ABCB4: variants seen among roughly 807,000 people sequenced by gnomAD.
The protein encoded by ABCB4 is ATP binding cassette subfamily B member 4, also known as phosphatidylcholine translocator ABCB4.
In ABCB4, 76 loss-of-function variants were observed where a neutral mutation model predicts 145.7. The observed-to-expected ratio is 0.52, with a 90% CI of 0.43 to 0.63. ABCB4 has a LOEUF of 0.63. ABCB4 is among the 30% of genes least tolerant of loss of function. ABCB4 has a pLI of 0.00. For missense variants in ABCB4, 1,234 were observed against 1,553.1 expected (o/e 0.79, Z 3.45); for synonymous variants, 517 against 566.8 (o/e 0.91, Z 1.25).
In ABCB4 at chr7:87,472,515, C is replaced by T. The variant is rs111928684; in HGVS notation, c.135+106G>A. 5.3e-5 allele frequency: 54 copies of T among 1,027,506 alleles called. No individual in the cohort carries two copies. In the African/African-American group the frequency reaches 6.5e-4, roughly 12 times the overall value. 63.6% of individuals were successfully genotyped at this position (1,027,506 alleles called of 1,614,324 possible). A position where few individuals can be genotyped will look rare whatever the true frequency, so the allele number is the denominator to read the frequency against. On this transcript the variant is annotated intron_variant, in intron 3 of 27. Transcript: ENST00000649586. ...CTGGGATTACAAGTATGAGTCAGCT[C>T]GCCTAGCTAGACAATCTTAAAGTAT...
intron 19 of ABCB4, among the ~76,000 whole-genome samples, chr7:87,419,310 A>T (rs1439328658): frequency 6.6e-6 from 1 of 152,208 alleles, no homozygotes. Flanking sequence ...AAATGTAATC[A>T]GTTCCTGTCA....
chr7:87,473,524 A>G (rs1023599841), intron 2 of ABCB4, among the ~76,000 whole-genome samples: 1 of 152,066 alleles, frequency 6.6e-6, no homozygotes, highest in Non-Finnish European at 1.5e-5. Context: ...TTGCTCAAAT[A>G]TTACCTTTAA....
At chr7:87,422,488 T>C (rs935383663) in intron 17 of ABCB4, among the ~76,000 whole-genome samples, 4 of 152,138 alleles carry the variant, frequency 2.6e-5, no homozygotes, top group African/African-American at 9.7e-5. Context: ...CTTCCCAAAC[T>C]TCCCAAACTT....
At chr7:87,443,531 A>T in intron 11 of ABCB4, 87 bp from the exon 12 acceptor site, 1 of 1,583,460 alleles carries the variant, frequency 6.3e-7, no homozygotes, top group Non-Finnish European at 8.6e-7. Context: ...TTTGAAAAAA[A>T]AGTATCAAAT....
rs1562968700 is a variant in ABCB4, at chr7:87,431,433, C to A, written c.1864G>T (p.Gly622Trp). 6.2e-7 allele frequency: 1 copy of A among 1,614,116 alleles called. No homozygotes were observed. The highest frequency in any genetic ancestry group is 8.5e-7 in the Non-Finnish European group (1 of 1,179,974). The change falls in exon 15 of 28, where the codon GGG (glycine) becomes TGG (tryptophan). Residue 622 changes from glycine to tryptophan, a missense_variant. Physicochemically the swap from Gly to Trp is radical, Grantham distance 184. This residue lies in a region of ABCB4 where 321 missense variants were observed against 332.6 expected (regional missense o/e 0.97). Coordinates refer to ENST00000649586, the MANE Select transcript of ABCB4 (RefSeq NM_000443.4). Reference sequence around the variant, plus strand: ...ATGTTGACAAGTTTGAAGTACACCCCTTCCTTCTTCATCAGTTCGCTGTGG... The same window carrying A: ...ATGTTGACAAGTTTGAAGTACACCCATTCCTTCTTCATCAGTTCGCTGTGG... The part of the protein sequence containing the change: ...GSHSELMKKE[G>W]VYFKLVNMQT...
chr7:87,377,304 C>T, the ABCB4 span: 2 of 1,204,652 alleles, frequency 1.7e-6, no homozygotes, highest in African/African-American at 3.1e-5. Context: ...TTCTTACAAA[C>T]CAATATTAAA....
intron 4 of ABCB4, among the ~76,000 whole-genome samples, chr7:87,456,412 C>T (rs1452948208): frequency 6.6e-6 from 1 of 152,066 alleles, no homozygotes; most frequent in Admixed American, 6.6e-5. Flanking sequence ...GGTGCCCTCC[C>T]TGAGATAATG....
At chr7:87,388,905 A>G in the ABCB4 span, among the ~76,000 whole-genome samples, 1 of 152,238 alleles carries the variant, frequency 6.6e-6, no homozygotes, top group African/African-American at 2.4e-5. Flanking sequence ...TCCAGAATCT[A>G]CAAGGAACTT....
chr7:87,385,787 A>G, the ABCB4 span, among the ~76,000 whole-genome samples: 1 of 152,280 alleles, frequency 6.6e-6, no homozygotes, highest in South Asian at 2.1e-4. Context: ...CAATTTTTCC[A>G]TGTTCAGTAT....
At chr7:87,382,650 C>G in the ABCB4 span, 2 of 1,122,924 alleles carry the variant, frequency 1.8e-6, no homozygotes, top group Non-Finnish European at 2.5e-6. Context: ...ACTTTTTTCC[C>G]AGCTGGTACT....
the ABCB4 span, chr7:87,369,630 A>AT: frequency 2.8e-6 from 1 of 355,412 alleles, no homozygotes; most frequent in Non-Finnish European, 5.0e-6. Context: ...ATCTATTTGT[A>AT]TTTTTTATTT....
intron 2 of ABCB4, among the ~76,000 whole-genome samples, chr7:87,472,892 C>G (rs112566063): frequency 2.0e-5 from 3 of 152,258 alleles, no homozygotes; most frequent in African/African-American, 7.2e-5. Context: ...AAGAAATGGT[C>G]GCCTGCCTTA....
the ABCB4 span, among the ~76,000 whole-genome samples, chr7:87,372,763 G>C: frequency 1.3e-5 from 2 of 152,030 alleles, no homozygotes; most frequent in African/African-American, 4.8e-5. Context: ...AGGTTCATCC[G>C]TGTTTTAGCA....
intron 26 of ABCB4, 167 bp from the exon 27 acceptor site, chr7:87,403,448 TCTCAATG>T (rs749805283): frequency 1.6e-6 from 1 of 640,182 alleles, no homozygotes; most frequent in Non-Finnish European, 2.7e-6. Flanking sequence ...TGACTTTAAT[TCTCAATG>T]GTATTCTACA....
chr7:87,417,205 G>T, intron 21 of ABCB4, 107 bp downstream of exon 21: 1 of 1,024,860 alleles, frequency 9.8e-7, no homozygotes, highest in Non-Finnish European at 1.5e-6. Context: ...AGTTGTAGTG[G>T]GCACAAACAT....
chr7:87,397,677 T>C (rs755430537), downstream of ABCB4, among the ~76,000 whole-genome samples: 5 of 152,218 alleles, frequency 3.3e-5, no homozygotes, highest in Admixed American at 6.5e-5. Context: ...AAGGTTTCTG[T>C]ATTACTTTTC....
At chr7:87,400,055 C>T (rs551921158), downstream of ABCB4, among the ~76,000 whole-genome samples, 3 of 152,172 alleles carry the variant, frequency 2.0e-5, no homozygotes, top group South Asian at 2.1e-4. Flanking sequence ...CTGACATGGT[C>T]TCTGATCATC....
In ABCB4 at chr7:87,423,901, C is replaced by T. The variant is rs773539504; in HGVS notation, c.2211+5G>A. 9 of 1,613,920 alleles carry T rather than the reference C, an allele frequency of 5.6e-6. No individual in the cohort carries two copies. The highest frequency in any genetic ancestry group is 8.5e-7 in the Non-Finnish European group (1 of 1,179,938). On this transcript the variant is annotated splice_donor_5th_base_variant and intron_variant, in intron 17 of 27. Transcript: ENST00000649586. Reference sequence around the variant, plus strand: ...CAGGCTGTTATGTGGTGTTTGCAAACTTACCGCTATGATCTCTGAGAATAT... The same window carrying T: ...CAGGCTGTTATGTGGTGTTTGCAAATTTACCGCTATGATCTCTGAGAATAT...
intron 3 of ABCB4, among the ~76,000 whole-genome samples, chr7:87,465,456 T>G (rs534308648): frequency 6.6e-6 from 1 of 152,222 alleles, no homozygotes; most frequent in African/African-American, 2.4e-5. Flanking sequence ...CCTGCCTCTG[T>G]AGACTCTGCC....
Sources: gnomAD v4.1 joint callset for allele counts (sites outside exome capture counted in the v4.1 genomes callset) on GRCh38, gnomAD v4.1.1 for gene constraint, gnomAD v4.1.1 regional missense constraint, MANE v1.5 for transcripts, NCBI Gene and HGNC (gene_info 2026-07-23, HGNC 2026-07-21) for gene names.